Variants in IFNA13 observed in about 807,000 individuals in gnomAD.
IFNA13 encodes the protein interferon alpha 13.
For synonymous variants in IFNA13, 61 were observed against 86.3 expected (o/e 0.71, Z 1.62); for missense variants, 166 against 220.7 (o/e 0.75, Z 1.57).
chr9:21,368,002 G>A (rs1317574169), exon 1 of IFNA13: 2 of 1,612,738 alleles, frequency 1.2e-6, no homozygotes, highest in African/African-American at 1.4e-5. Context: ...CAAAGGGCGA[G>A]GCCATCATAG....
downstream of IFNA13, chr9:21,367,408 A>C (rs1290005278): frequency 6.2e-7 from 1 of 1,613,170 alleles, no homozygotes; most frequent in African/African-American, 1.3e-5. Flanking sequence ...TATATGAGTC[A>C]ATAAGAATTG....
chr9:21,367,991 G>C lies in IFNA13; in HGVS notation c.20C>G (p.Ala7Gly), dbSNP rs1423583809. 4.3e-6 allele frequency: 7 copies of C among 1,613,020 alleles called. No individual in the cohort carries two copies. The African/African-American group carries it at 9.5e-5, about 22-fold the overall frequency. Reference sequence around the variant, plus strand: ...GAGCACCACCAGGGCCATCAGTAAAGCAAAGGGCGAGGCCATCATAGATAT... The same window carrying C: ...GAGCACCACCAGGGCCATCAGTAAACCAAAGGGCGAGGCCATCATAGATAT... The change falls in exon 1 of 1, where the codon GCT becomes GGT. Residue 7 changes from alanine to glycine, a missense_variant. Coordinates refer to ENST00000610660, the Ensembl canonical transcript of IFNA13.
Sources: allele counts gnomAD v4.1 joint callset, GRCh38; gene constraint gnomAD v4.1.1; transcripts MANE v1.5; gene names NCBI Gene and HGNC (gene_info 2026-07-23, HGNC 2026-07-21).